The following TG variants were observed in gnomAD, a reference collection of about 807,000 sequenced individuals.
TG encodes thyroid hormones.
In TG, 270 loss-of-function variants were observed where a neutral mutation model predicts 324.7. The observed-to-expected ratio is 0.83, with a 90% CI of 0.75 to 0.92. The LOEUF is 0.92. Ranked by LOEUF, TG falls within the 40% of genes least tolerant of loss-of-function variation. The pLI is 0.00. For missense variants in TG, 3,591 were observed against 3,456.4 expected (o/e 1.04, Z -0.98); for synonymous variants, 1,401 against 1,327.0 (o/e 1.06, Z -1.21).
chr8:133,133,869 AAG>A (rs1430645496), intron 47 of TG, among the ~76,000 whole-genome samples: 6 of 152,322 alleles, frequency 3.9e-5, no homozygotes, highest in Non-Finnish European at 8.8e-5. Flanking sequence ...AAGGAAAAGA[AAG>A]AGAGGCACAG....
At chr8:132,937,890 C>G (rs140586619) in intron 25 of TG, among the ~76,000 whole-genome samples, 1 of 152,224 alleles carries the variant, frequency 6.6e-6, no homozygotes, top group Non-Finnish European at 1.5e-5. Flanking sequence ...TGTTGCCAAA[C>G]TAAATCAAGG....
chr8:132,915,361 G>A (rs898769497), intron 20 of TG, among the ~76,000 whole-genome samples: 1 of 152,172 alleles, frequency 6.6e-6, no homozygotes, highest in Admixed American at 6.5e-5. Flanking sequence ...AAAGGGGCTG[G>A]CCTAGAAACC....
chr8:132,871,204 C>T, intron 3 of TG, 144 bp from the exon 4 acceptor site: 1 of 811,466 alleles, frequency 1.2e-6, no homozygotes. Flanking sequence ...TGTTCTGTGG[C>T]TGCCACCCCA....
intron 34 of TG, among the ~76,000 whole-genome samples, chr8:132,973,553 T>C (rs1261056745): frequency 6.6e-6 from 1 of 152,190 alleles, no homozygotes; most frequent in East Asian, 1.9e-4. Flanking sequence ...ATCTACTTAC[T>C]ATGGGTTTGT....
At position 133,013,719 on chromosome 8, in the gene TG, C is replaced by A; in HGVS notation, c.6517C>A (p.Arg2173=). The stretch of plus-strand genomic sequence containing the variant: ...ACATAGTCTGCAGGGTCAGAACTGC[C>A]GACTTCTGCTTCGTGAAGAGGCCAC... ...CTHSLQGQNC[R]LLLREEATHI... is the part of the protein sequence containing the mutation. Residue 2173 remains arginine (R), a synonymous_variant, in exon 37 of 48, where the codon CGA becomes AGA. Transcript: ENST00000220616. The A allele has an allele frequency of 6.2e-7, 1 of 1,613,578 alleles. No homozygotes were observed. The highest frequency in any genetic ancestry group is 8.5e-7 in the Non-Finnish European group (1 of 1,180,028).
intron 41 of TG, among the ~76,000 whole-genome samples, chr8:133,078,314 G>T (rs1333393783): frequency 6.6e-6 from 1 of 152,210 alleles, no homozygotes; most frequent in Non-Finnish European, 1.5e-5. Flanking sequence ...GTGGGAGCAT[G>T]TGAGCCACGA....
At chr8:132,908,123 CCAAA>C (rs1270242825) in intron 17 of TG, 59 bp from the exon 18 acceptor site, 45 of 1,594,872 alleles carry the variant, frequency 2.8e-5, no homozygotes, top group Non-Finnish European at 3.9e-5. Context: ...AGAGGAAATC[CCAAA>C]CAAAGAAAAT....
intron 43 of TG, among the ~76,000 whole-genome samples, chr8:133,098,738 A>G (rs1051197358): frequency 1.3e-5 from 2 of 152,162 alleles, no homozygotes; most frequent in African/African-American, 4.8e-5. Flanking sequence ...CTCAGTGGAA[A>G]TGCCATCCAT....
intron 41 of TG, chr8:133,045,162 C>G (rs1367845745): frequency 1.2e-6 from 2 of 1,607,286 alleles, no homozygotes; most frequent in Non-Finnish European, 1.7e-6. Context: ...TGTCCTCACC[C>G]CAAGGCACCC....
At chr8:133,055,257 G>C (rs1326986839) in intron 41 of TG, among the ~76,000 whole-genome samples, 1 of 152,052 alleles carries the variant, frequency 6.6e-6, no homozygotes, top group African/African-American at 2.4e-5. Flanking sequence ...AGGGATTGCA[G>C]CCTCTTGTTT....
At position 132,900,010 on chromosome 8, in the gene TG, C is replaced by T. The variant is rs73708394; in HGVS notation, c.3331-227C>T. ...ATCTTCAGTTTCACCCACCCAAAAG[C>T]GGGAGAACTGTGGTCCATGCCTCAT... On this transcript the variant is annotated intron_variant, in intron 14 of 47. Coordinates refer to ENST00000220616, the MANE Select transcript of TG (RefSeq NM_003235.5). Among the ~76,000 whole-genome samples the T allele has an allele frequency of 9.6e-3, 1,459 of 152,260 alleles. 30 individuals are homozygous for T. The highest frequency in any genetic ancestry group is 0.033 in the African/African-American group (1,359 of 41,540).
chr8:133,113,412 T>C lies in TG; in HGVS notation c.7573-10T>C. 6.2e-7 allele frequency: 1 copy of C among 1,614,062 alleles called. No individual in the cohort carries two copies. The highest frequency in any genetic ancestry group is 8.5e-7 in the Non-Finnish European group (1 of 1,179,994). The stretch of plus-strand genomic sequence containing the variant: ...CAACTGAGGAATTTCGTATCTTTTT[T>C]TTTTTCTAGCAATTTGAGGAAAGTC... On this transcript the variant is annotated splice_polypyrimidine_tract_variant and intron_variant, in intron 43 of 47. Coordinates refer to ENST00000220616, the MANE Select transcript of TG (RefSeq NM_003235.5).
At chr8:133,095,012 A>G (rs1455373986) in intron 41 of TG, 32 bp from the exon 42 acceptor site, 3 of 1,612,184 alleles carry the variant, frequency 1.9e-6, no homozygotes, top group Admixed American at 3.3e-5. Flanking sequence ...GATGATCTGA[A>G]CCATCTGCCC....
At chr8:133,072,946 G>A (rs1844296451) in intron 41 of TG, 1 of 152,184 alleles carries the variant, frequency 6.6e-6, no homozygotes, top group African/African-American at 2.4e-5. Context: ...ATTTAACACT[G>A]TTTATTAATA....
intron 23 of TG, among the ~76,000 whole-genome samples, chr8:132,930,697 A>T (rs1206186272): frequency 5.3e-5 from 8 of 151,698 alleles, no homozygotes; most frequent in African/African-American, 1.9e-4. Context: ...AAAAAAAAAA[A>T]AGGAAGGGCA....
chr8:132,994,524 T>C (rs1342499770), intron 35 of TG, among the ~76,000 whole-genome samples: 1 of 152,176 alleles, frequency 6.6e-6, no homozygotes, highest in East Asian at 1.9e-4. Flanking sequence ...TTTTATGGCT[T>C]ATAATAATTT....
chr8:133,046,156 G>A (rs772905094), intron 41 of TG, among the ~76,000 whole-genome samples: 98 of 152,194 alleles, frequency 6.4e-4, no homozygotes, highest in Non-Finnish European at 7.8e-4. Flanking sequence ...ATGTTTCAGG[G>A]TCCTCTCTTG....
chr8:133,094,583 C>T (rs371318740), intron 41 of TG: 1 of 241,330 alleles, frequency 4.1e-6, no homozygotes, highest in Non-Finnish European at 8.3e-6. Context: ...GTTTTCGTCA[C>T]CTCCTAGGTG....
intron 37 of TG, among the ~76,000 whole-genome samples, chr8:133,015,568 C>T (rs554109104): frequency 1.3e-5 from 2 of 152,334 alleles, no homozygotes; most frequent in East Asian, 3.9e-4. Flanking sequence ...AATACCACTG[C>T]CATGGGAAAG....
Sources: gnomAD v4.1 joint callset for allele counts (sites outside exome capture counted in the v4.1 genomes callset) on GRCh38, gnomAD v4.1.1 for gene constraint, MANE v1.5 for transcripts, NCBI Gene and HGNC (gene_info 2026-07-23, HGNC 2026-07-21) for gene names.